The following RTKN2 variants were observed in gnomAD, a reference collection of about 807,000 sequenced individuals.
RTKN2 encodes rhotekin-2.
RTKN2 carries 69 observed loss-of-function variants against 71.5 expected under a neutral mutation model. That is an observed-to-expected ratio of 0.96 (90% CI 0.79 to 1.18). The LOEUF is 1.18. RTKN2 is among the 50% of genes most tolerant of loss of function. RTKN2 has a pLI of 0.00. For synonymous variants in RTKN2, 236 were observed against 236.5 expected (o/e 1.00, Z 0.02); for missense variants, 724 against 719.7 (o/e 1.01, Z -0.07).
rs772033296 is a variant in RTKN2 at position 62,262,785 on chromosome 10, G to A, written c.97C>T (p.Arg33Ter). The A allele has an allele frequency of 4.4e-5, 71 of 1,609,376 alleles. No individual in the cohort carries two copies. The highest frequency in any genetic ancestry group is 5.6e-5 in the South Asian group (5 of 89,800). ...AGTTTCCATATTCCTTCTCGCATTC[G>A]AATTTCTAAGTCTATTTTTTCTTGA... Reference protein sequence around the residue: ...NIQEKIDLEIRMREGIWKLLS... With the variant: ...NIQEKIDLEI Residue 33 changes from arginine (R) to a stop codon, truncating the protein, a stop_gained, in exon 2 of 12, where the codon CGA (arginine) becomes TGA (stop). Transcript: ENST00000373789. LOFTEE classifies it high-confidence loss of function.
intron 5 of RTKN2, among the ~76,000 whole-genome samples, chr10:62,236,878 G>A (rs1013810081): frequency 1.3e-5 from 2 of 151,110 alleles, no homozygotes; most frequent in Non-Finnish European, 3.0e-5. Flanking sequence ...TGAAAATATT[G>A]TGTGTTCTCA....
At chr10:62,231,608 CA>C (rs1842149485) in intron 6 of RTKN2, among the ~76,000 whole-genome samples, 1 of 151,882 alleles carries the variant, frequency 6.6e-6, no homozygotes, top group Non-Finnish European at 1.5e-5. Context: ...TTTGAGTTCC[CA>C]AAAGTTTAAT....
intron 7 of RTKN2, among the ~76,000 whole-genome samples, chr10:62,219,826 G>T (rs990761527): frequency 6.6e-6 from 1 of 151,816 alleles, no homozygotes; most frequent in Non-Finnish European, 1.5e-5. Flanking sequence ...CAACTTTTCT[G>T]TAAGTTTGAC....
chr10:62,256,659 T>A (rs1423564029), intron 2 of RTKN2, among the ~76,000 whole-genome samples: 1 of 152,102 alleles, frequency 6.6e-6, no homozygotes, highest in Non-Finnish European at 1.5e-5. Flanking sequence ...AATGTGTGCA[T>A]GTATACACAT....
At position 62,268,816 on chromosome 10, in the gene RTKN2, C is replaced by T. The variant is rs1408881849; in HGVS notation, c.-206G>A. 7 of 549,464 alleles carry T rather than the reference C, an allele frequency of 1.3e-5. No individual in the cohort carries two copies. Among genetic ancestry groups the T allele is most frequent in the African/African-American group, 4.1e-5 (2 of 49,180 alleles). 34.0% of individuals were successfully genotyped at this position (549,464 alleles called of 1,614,324 possible). ...TGCAGCTCCCGCCGCCGGAAGTTGC[C>T]GAGACCCCAGGCTCTAGCGCGGCGG... On this transcript the variant is annotated 5_prime_UTR_variant, in exon 1 of 12. Transcript: ENST00000373789.
At chr10:62,220,101 C>T (rs952580191) in intron 7 of RTKN2, among the ~76,000 whole-genome samples, 1 of 150,180 alleles carries the variant, frequency 6.7e-6, no homozygotes, top group African/African-American at 2.4e-5. Context: ...GTTTTAATTA[C>T]CCCAGAATTT....
At chr10:62,230,143 C>T (rs912486446) in intron 6 of RTKN2, among the ~76,000 whole-genome samples, 2 of 151,960 alleles carry the variant, frequency 1.3e-5, no homozygotes, top group South Asian at 2.1e-4. Flanking sequence ...GGTTCTATTT[C>T]CAAGTTTCTA....
chr10:62,258,079 C>T (rs1842706904), intron 2 of RTKN2, among the ~76,000 whole-genome samples: 1 of 152,122 alleles, frequency 6.6e-6, no homozygotes, highest in African/African-American at 2.4e-5. Flanking sequence ...TAACCAGTTG[C>T]CAATATTCTC....
At chr10:62,266,795 G>A (rs1454468950) in intron 1 of RTKN2, among the ~76,000 whole-genome samples, 2 of 152,198 alleles carry the variant, frequency 1.3e-5, no homozygotes, top group African/African-American at 4.8e-5. Flanking sequence ...AATTCCAACA[G>A]CTGTCTGGGA....
Position 62,194,798 on chromosome 10 carries a change from A to G in RTKN2, c.*3110T>C. 1 of 985,322 alleles carries G rather than the reference A, an allele frequency of 1.0e-6. No individual in the cohort carries two copies. 61.0% of individuals were successfully genotyped at this position (985,322 alleles called of 1,614,324 possible). A position where few individuals can be genotyped will look rare whatever the true frequency, so the allele number is the denominator to read the frequency against. ...GTATCTCTAATTCAAGACAGCTTCC[A>G]TTTTTAATAAATAGTAGCAGGTAAA... is the stretch of plus-strand genomic sequence containing the variant. On this transcript the variant is annotated 3_prime_UTR_variant, in exon 12 of 12. Transcript: ENST00000373789.
At chr10:62,190,238 C>G (rs1482458799), downstream of RTKN2, among the ~76,000 whole-genome samples, 3 of 152,140 alleles carry the variant, frequency 2.0e-5, no homozygotes. Flanking sequence ...TCTGGCAAAC[C>G]TTGGTCTCAA....
chr10:62,268,261 G>A (rs551816074), intron 1 of RTKN2, among the ~76,000 whole-genome samples: 3 of 152,230 alleles, frequency 2.0e-5, no homozygotes, highest in African/African-American at 7.2e-5. Context: ...AAAGACAGGC[G>A]TCCAAAGCCT....
At chr10:62,251,339 T>C (rs1419200224) in intron 2 of RTKN2, among the ~76,000 whole-genome samples, 1 of 152,226 alleles carries the variant, frequency 6.6e-6, no homozygotes, top group Non-Finnish European at 1.5e-5. Context: ...ATTTACAAAT[T>C]AAACTTTATC....
chr10:62,187,660 G>C (rs1168331071), intron 8 of RTKN2, among the ~76,000 whole-genome samples: 1 of 152,086 alleles, frequency 6.6e-6, no homozygotes, highest in Non-Finnish European at 1.5e-5. Context: ...TTTAAATCAA[G>C]TCAGGTGAGG....
chr10:62,266,563 AAATTC>A, intron 1 of RTKN2, among the ~76,000 whole-genome samples: 1 of 149,572 alleles, frequency 6.7e-6, no homozygotes, highest in South Asian at 2.1e-4. Flanking sequence ...CCGAATTCTT[AAATTC>A]ATGTTTCTGT....
chr10:62,249,131 T>G (rs1487183883), intron 2 of RTKN2, among the ~76,000 whole-genome samples: 1 of 152,142 alleles, frequency 6.6e-6, no homozygotes, highest in Non-Finnish European at 1.5e-5. Flanking sequence ...ACTTCCAACC[T>G]ATACGTTTTC....
intron 9 of RTKN2, among the ~76,000 whole-genome samples, chr10:62,213,628 C>T (rs1841706377): frequency 6.6e-6 from 1 of 151,914 alleles, no homozygotes; most frequent in African/African-American, 2.4e-5. Flanking sequence ...TGAAAGGTCC[C>T]TATTTTTATT....
At chr10:62,261,871 G>A (rs963927970) in intron 2 of RTKN2, among the ~76,000 whole-genome samples, 2 of 152,106 alleles carry the variant, frequency 1.3e-5, no homozygotes, top group African/African-American at 4.8e-5. Flanking sequence ...CTTCCCTTGT[G>A]TCAGAGCTGT....
At position 62,223,307 on chromosome 10, in the gene RTKN2, G is replaced by A. The variant is rs77951115; in HGVS notation, c.712C>T (p.His238Tyr). Reference protein sequence around the residue: ...VFGVKYNLLAHTTLTLESAED... With the variant: ...VFGVKYNLLAYTTLTLESAED... ...GCACTTTCCAAGGTTAGGGTAGTGTGAGCTAGCAAATTATACTTTACACCA... is the reference window on the plus strand; with the variant it reads ...GCACTTTCCAAGGTTAGGGTAGTGTAAGCTAGCAAATTATACTTTACACCA... The change falls in exon 7 of 12, where the codon CAC (histidine) becomes TAC (tyrosine). Residue 238 changes from histidine to tyrosine, a missense_variant. Coordinates refer to ENST00000373789, the MANE Select transcript of RTKN2 (RefSeq NM_145307.4). The A allele has an allele frequency of 1.6e-5, 26 of 1,609,284 alleles. No individual in the cohort carries two copies. The highest frequency in any genetic ancestry group is 2.2e-5 in the South Asian group (2 of 90,966).
Sources: gnomAD v4.1 joint callset for allele counts (sites outside exome capture counted in the v4.1 genomes callset) on GRCh38, gnomAD v4.1.1 for gene constraint, MANE v1.5 for transcripts, NCBI Gene and HGNC (gene_info 2026-07-23, HGNC 2026-07-21) for gene names.